COL4A6: variants seen among roughly 807,000 people sequenced by gnomAD.
COL4A6 encodes the protein collagen alpha-6(IV) chain.
In COL4A6, 59 loss-of-function variants were observed where a neutral mutation model predicts 126.7. The ratio of observed to expected loss-of-function variants is 0.47; its 90% CI spans 0.38 to 0.58. COL4A6 has a LOEUF of 0.58. Among genes scored for constraint, COL4A6 ranks in the 20% least tolerant of loss-of-function variants. The pLI, the probability that COL4A6 is intolerant of heterozygous loss-of-function variation, is 0.00. For missense variants in COL4A6, 1,285 were observed against 1,337.3 expected, an observed-to-expected ratio of 0.96 and a Z score of 0.61; for synonymous variants, 547 against 496.6, an observed-to-expected ratio of 1.10 and a Z score of -1.35.
intron 3 of COL4A6, among the ~76,000 whole-genome samples, chrX:108,279,462 A>C (rs1219981122): frequency 1.8e-5 from 2 of 112,116 alleles, no homozygotes; most frequent in Non-Finnish European, 3.8e-5. Context: ...ATATATATGC[A>C]CCCAATACAG....
At chrX:108,315,297 G>A (rs978035559) in intron 2 of COL4A6, among the ~76,000 whole-genome samples, 3 of 111,353 alleles carry the variant, frequency 2.7e-5, no homozygotes, top group African/African-American at 9.8e-5. Context: ...CTGGAGTGCA[G>A]TGGTGCGACC....
At chrX:108,182,827 T>A (rs2034728698) in intron 23 of COL4A6, among the ~76,000 whole-genome samples, 1 of 112,666 alleles carries the variant, frequency 8.9e-6, no homozygotes, top group South Asian at 3.7e-4. Context: ...ATCCCTGGGC[T>A]GGGTCCAACT....
chrX:108,197,929 G>C (rs1390243970), intron 13 of COL4A6, among the ~76,000 whole-genome samples: 3 of 110,574 alleles, frequency 2.7e-5, no homozygotes, highest in Non-Finnish European at 5.7e-5. Context: ...AATGTGAAAG[G>C]CTCGTGGGTT....
chrX:108,404,245 A>C (rs994864479), intron 2 of COL4A6, among the ~76,000 whole-genome samples: 2 of 112,160 alleles, frequency 1.8e-5, no homozygotes, highest in African/African-American at 6.5e-5. Context: ...ACTACTTTTC[A>C]CTTTTAAAAT....
chrX:108,252,486 C>T (rs1457913453), intron 3 of COL4A6, among the ~76,000 whole-genome samples: 2 of 111,416 alleles, frequency 1.8e-5, no homozygotes, highest in Non-Finnish European at 3.8e-5. Flanking sequence ...TTTCATTTCC[C>T]TTACATATAC....
At chrX:108,250,305 G>A (rs1186742347) in intron 3 of COL4A6, among the ~76,000 whole-genome samples, 1 of 110,369 alleles carries the variant, frequency 9.1e-6, no homozygotes, top group Non-Finnish European at 1.9e-5. Flanking sequence ...AGAAGGGGCC[G>A]AGTGAGAAAA....
chrX:108,311,863 C>A (rs777741827), intron 2 of COL4A6, among the ~76,000 whole-genome samples: 30 of 111,802 alleles, frequency 2.7e-4, no homozygotes, highest in South Asian at 1.5e-3. Context: ...CCATGGATGA[C>A]ACTCAAGGAA....
chrX:108,321,629 T>G (rs771721263), intron 2 of COL4A6, among the ~76,000 whole-genome samples: 2 of 111,239 alleles, frequency 1.8e-5, no homozygotes, highest in Non-Finnish European at 3.8e-5. Context: ...TTTCAGACAG[T>G]TGGTATCATT....
intron 3 of COL4A6, among the ~76,000 whole-genome samples, chrX:108,264,479 C>T (rs968885270): frequency 9.0e-6 from 1 of 111,631 alleles, no homozygotes; most frequent in African/African-American, 3.3e-5. Flanking sequence ...TTCACTGAAC[C>T]TTTCTCCTAG....
At chrX:108,175,294 T>C (rs1476168832) in intron 29 of COL4A6, 79 bp from the exon 30 acceptor site, 5 of 1,056,326 alleles carry the variant, frequency 4.7e-6, no homozygotes, top group Admixed American at 6.7e-5. Flanking sequence ...CATCATTTCT[T>C]CCCATACCAC....
At chrX:108,424,142 G>A (rs749108360) in intron 2 of COL4A6, among the ~76,000 whole-genome samples, 3 of 111,820 alleles carry the variant, frequency 2.7e-5, no homozygotes, top group Admixed American at 9.5e-5. Context: ...GGGGCAAATG[G>A]GGGCAGAAGT....
chrX:108,196,215 A>T (rs2035210316), intron 14 of COL4A6, among the ~76,000 whole-genome samples: 1 of 110,995 alleles, frequency 9.0e-6, no homozygotes, highest in Non-Finnish European at 1.9e-5. Flanking sequence ...TTTCTTTAGC[A>T]ATCATTCTTT....
chrX:108,169,522 C>T lies in COL4A6; in HGVS notation c.3664G>A (p.Gly1222Ser), dbSNP rs2034231546. The change falls in exon 37 of 45, where the codon GGC becomes AGC. Residue 1222 changes from glycine (G) to serine (S), a missense_variant. By Grantham distance (56) the Gly-to-Ser change is moderately conservative. Transcript: ENST00000334504. ...GIGIGAPGKP[G>S]LRGQKGDRGF... The stretch of plus-strand genomic sequence containing the variant: ...CGATCACCTTTTTGCCCTCTCAGGC[C>T]CGGCTTCCCTGGAGCTCCGATGCCA... 1.7e-6 allele frequency: 2 copies of T among 1,210,026 alleles called. No individual in the cohort carries two copies. Among genetic ancestry groups the T allele is most frequent in the Non-Finnish European group, 2.2e-6 (2 of 895,239 alleles).
intron 2 of COL4A6, among the ~76,000 whole-genome samples, chrX:108,374,241 A>G (rs1157357817): frequency 8.9e-6 from 1 of 112,259 alleles, no homozygotes; most frequent in Non-Finnish European, 1.9e-5. Flanking sequence ...GCCAATCTAG[A>G]AGCAAAGGAA....
intron 3 of COL4A6, among the ~76,000 whole-genome samples, chrX:108,292,850 G>A (rs1382112835): frequency 9.5e-6 from 1 of 105,663 alleles, no homozygotes; most frequent in African/African-American, 3.5e-5. Flanking sequence ...TAGGGAGGCA[G>A]AAGTGGAAAG....
intron 2 of COL4A6, among the ~76,000 whole-genome samples, chrX:108,316,768 C>T (rs761884442): frequency 8.9e-6 from 1 of 112,085 alleles, no homozygotes; most frequent in African/African-American, 3.2e-5. Context: ...GTATTCTAGG[C>T]AAAGGGAACA....
At chrX:108,200,422 GCTGTTAT>G (rs1345201656) in intron 13 of COL4A6, among the ~76,000 whole-genome samples, 8 of 112,234 alleles carry the variant, frequency 7.1e-5, no homozygotes, top group African/African-American at 2.6e-4. Flanking sequence ...CACATGGCTG[GCTGTTAT>G]CTTATTGAAC....
In COL4A6 at chrX:108,332,655, A is replaced by T. The variant is rs1240374563; in HGVS notation, c.64-21827T>A. On this transcript the variant is annotated intron_variant, in intron 2 of 44. Transcript: ENST00000334504. ...GGCCACCTGCATTTCTTCTTTTGAA[A>T]AAATCATTTGTTCATGTCCTTTGCC... Among the ~76,000 whole-genome samples the T allele has an allele frequency of 3.6e-5, 4 of 111,515 alleles. No homozygotes were observed. In the East Asian group the frequency reaches 8.4e-4, roughly 23 times the overall value.
rs1025021186 is a variant in COL4A6 at position 108,426,323 on chromosome X, G to A, written c.63+11619C>T. Among the ~76,000 whole-genome samples, 3 of 111,922 alleles carry A rather than the reference G, an allele frequency of 2.7e-5. No homozygotes were observed. The South Asian group carries it at 1.1e-3, about 42-fold the overall frequency. On this transcript the variant is annotated intron_variant, in intron 2 of 44. Coordinates refer to ENST00000334504, the MANE Select transcript of COL4A6 (RefSeq NM_033641.4). ...GAGCCAGAGGTGCCAGACAATTCTG[G>A]GAAAGCTTGGTCTCTCTGAGGTAAA...
Sources: allele counts gnomAD v4.1 joint callset (sites outside exome capture counted in the v4.1 genomes callset), GRCh38; gene constraint gnomAD v4.1.1; transcripts MANE v1.5; gene names NCBI Gene and HGNC (gene_info 2026-07-23, HGNC 2026-07-21).